Variants in DAB2IP observed in about 807,000 individuals in gnomAD.
DAB2IP encodes DAB2 interacting protein.
Under a neutral mutation model 107.2 loss-of-function variants are expected in DAB2IP, and 28 were observed. The ratio of observed to expected loss-of-function variants is 0.26; its 90% CI spans 0.19 to 0.36. The LOEUF (loss-of-function observed/expected upper bound fraction) is 0.36, where lower values mean the gene tolerates loss of function less well. Among genes scored for constraint, DAB2IP ranks in the 10% least tolerant of loss-of-function variants. The pLI, the probability that DAB2IP is intolerant of heterozygous loss-of-function variation, is 1.00. For synonymous variants in DAB2IP, 755 were observed against 706.4 expected (o/e 1.07, Z -1.09); for missense variants, 1,400 against 1,644.7 (o/e 0.85, Z 2.57).
At chr9:121,708,868 G>A (rs912919343) in intron 3 of DAB2IP, among the ~76,000 whole-genome samples, 1 of 152,222 alleles carries the variant, frequency 6.6e-6, no homozygotes, top group Non-Finnish European at 1.5e-5. Context: ...TCAGGGAAGA[G>A]AATGACTGTC....
chr9:121,680,450 C>A (rs765338373), intron 2 of DAB2IP, among the ~76,000 whole-genome samples: 2 of 152,124 alleles, frequency 1.3e-5, no homozygotes, highest in African/African-American at 4.8e-5. Flanking sequence ...TGCGCTGAGA[C>A]GATTCAGGGT....
intron 3 of DAB2IP, among the ~76,000 whole-genome samples, chr9:121,718,193 C>T (rs557023569): frequency 1.5e-4 from 23 of 152,262 alleles, no homozygotes; most frequent in South Asian, 2.1e-4. Context: ...GTGTGGCTGC[C>T]GGCAGCCGCG....
chr9:121,690,704 C>T (rs1385023855), intron 2 of DAB2IP, among the ~76,000 whole-genome samples: 3 of 152,200 alleles, frequency 2.0e-5, no homozygotes, highest in Non-Finnish European at 2.9e-5. Flanking sequence ...CTCCCAGCTT[C>T]ACCTTTACCC....
At chr9:121,653,194 A>AAGACCTGGGGAAG (rs1832825518) in intron 1 of DAB2IP, among the ~76,000 whole-genome samples, 4 of 73,486 alleles carry the variant, frequency 5.4e-5, no homozygotes, top group Admixed American at 1.3e-4. Context: ...GGGAGTACTA[A>AAGACCTGGGGAAG]GCCTTTAGTA....
At chr9:121,691,414 T>G (rs538073653) in intron 2 of DAB2IP, among the ~76,000 whole-genome samples, 1 of 151,776 alleles carries the variant, frequency 6.6e-6, no homozygotes, top group East Asian at 1.9e-4. Context: ...CCCAGGCCCT[T>G]CTGGCTAACG....
chr9:121,776,055 T>G lies in DAB2IP; in HGVS notation c.3121-143T>G. On this transcript the variant is annotated intron_variant, in intron 13 of 15. Transcript: ENST00000408936. This position sits in a 1 kb window ranked among gnomAD's most constrained non-coding sequence, Gnocchi z 5.4. The stretch of plus-strand genomic sequence containing the variant: ...CCACCAGCTGGGCTCCTTGGGCATC[T>G]CCTTGCTATGTGAAGTGGGCGGGTC... 2 of 975,676 alleles carry G rather than the reference T, an allele frequency of 2.0e-6. No homozygotes were observed. The highest frequency in any genetic ancestry group is 3.4e-5 in the South Asian group (2 of 58,660). 60.4% of individuals were successfully genotyped at this position (975,676 alleles called of 1,614,324 possible). A position where few individuals can be genotyped will look rare whatever the true frequency, so the allele number is the denominator to read the frequency against.
In DAB2IP at chr9:121,724,132, C is replaced by A. The variant is rs985556474; in HGVS notation, c.362+24674C>A. ...CCTCACTGTGTGCTGTGTGCCCTGC[C>A]GTCATGGCTCCCCACTGGACCCTGC... is the stretch of plus-strand genomic sequence containing the variant. On this transcript the variant is annotated intron_variant, in intron 3 of 15. Transcript: ENST00000408936. Among the ~76,000 whole-genome samples the A allele has an allele frequency of 4.6e-5, 7 of 152,230 alleles. 1 individual carries two copies. In the South Asian group the frequency reaches 1.5e-3, roughly 32 times the overall value.
chr9:121,592,862 C>T (rs745361858), intron 1 of DAB2IP, among the ~76,000 whole-genome samples: 4 of 152,152 alleles, frequency 2.6e-5, no homozygotes, highest in Non-Finnish European at 4.4e-5. Flanking sequence ...ATTGGAATCC[C>T]TGGGCTACAT....
chr9:121,612,294 T>C (rs1831123328), intron 1 of DAB2IP, among the ~76,000 whole-genome samples: 1 of 151,916 alleles, frequency 6.6e-6, no homozygotes, highest in South Asian at 2.1e-4. Context: ...ACCACTGCAC[T>C]CCCACTTTGG....
Position 121,749,222 on chromosome 9 carries a change from G to A in DAB2IP, c.363-7791G>A, listed in dbSNP as rs1832931271. ...GCCAGCGGGGCAAGGCTGGGCTTGG[G>A]GAGAGAGCTCTGCTGGACATACTAG... On this transcript the variant is annotated intron_variant, in intron 3 of 15. Transcript: ENST00000408936. Among the ~76,000 whole-genome samples the A allele has an allele frequency of 2.6e-5, 4 of 152,250 alleles. 1 individual carries two copies. The South Asian group carries it at 8.3e-4, about 31-fold the overall frequency.
chr9:121,569,837 C>T (rs546614700), intron 1 of DAB2IP, among the ~76,000 whole-genome samples: 1 of 152,308 alleles, frequency 6.6e-6, no homozygotes, highest in South Asian at 2.1e-4. Context: ...GTAATAATAA[C>T]ATTTTGCAGT....
chr9:121,585,324 C>T (rs7863216), intron 1 of DAB2IP, among the ~76,000 whole-genome samples: 76 of 152,204 alleles, frequency 5.0e-4, no homozygotes, highest in African/African-American at 1.8e-3. Context: ...CCAGCTCTGT[C>T]CCTTACTAGA....
At chr9:121,757,030 G>A (rs1334389410) in exon 4 of DAB2IP, 1 of 1,614,182 alleles carries the variant, frequency 6.2e-7, no homozygotes. Context: ...CTGATGCCGA[G>A]GCTGAAGGAG....
At chr9:121,581,027 G>A (rs914388) in intron 1 of DAB2IP, among the ~76,000 whole-genome samples, 80,088 of 152,068 alleles carry the variant, frequency 0.53, 21,498 homozygotes, top group South Asian at 0.73. Context: ...CTCAAATGCC[G>A]GGATCAGGAG....
Position 121,702,554 on chromosome 9 carries a change from A to G in DAB2IP, c.362+3096A>G, listed in dbSNP as rs1829842768. Among the ~76,000 whole-genome samples the G allele has an allele frequency of 6.6e-6, 1 of 152,202 alleles. No individual in the cohort carries two copies. The highest frequency in any genetic ancestry group is 2.4e-5 in the African/African-American group (1 of 41,444). ...TGGCAGTAAGCACCAAGGACAGGTG[A>G]TCATTTCTCCTGGGTAACAAACACA... On this transcript the variant is annotated intron_variant, in intron 3 of 15. Transcript: ENST00000408936. This position sits in a 1 kb window ranked among gnomAD's most constrained non-coding sequence, Gnocchi z 4.5.
chr9:121,730,375 G>A (rs76816644), intron 3 of DAB2IP, among the ~76,000 whole-genome samples: 5,175 of 152,270 alleles, frequency 0.034, 278 homozygotes, highest in African/African-American at 0.11. Flanking sequence ...AGCATCACCC[G>A]CCGGGTCTGT....
chr9:121,664,999 C>T (rs1054934033), intron 1 of DAB2IP, among the ~76,000 whole-genome samples: 17 of 152,124 alleles, frequency 1.1e-4, no homozygotes, highest in African/African-American at 4.1e-4. Flanking sequence ...TTCAGTTTTG[C>T]TTTAGTATCA....
At chr9:121,678,699 G>A (rs1183396521) in exon 2 of DAB2IP, 3 of 1,582,052 alleles carry the variant, frequency 1.9e-6, no homozygotes, top group Non-Finnish European at 2.6e-6. Flanking sequence ...GAAAGGCCGG[G>A]CTCTCGGCGC....
rs144084740 is a variant in DAB2IP at position 121,570,164 on chromosome 9, TGCAGTGGTGC to T, written c.40+2938_40+2947del. On this transcript the variant is annotated intron_variant, in intron 1 of 16. Coordinates refer to the DAB2IP transcript ENST00000259371. ...TCTTACTCTGTCATCCAGGCTGGAGTGCAGTGGTGCGATCTCAGCTCAATTGCAACCTCCA... is the reference window on the plus strand; with the variant it reads ...TCTTACTCTGTCATCCAGGCTGGAGTGATCTCAGCTCAATTGCAACCTCCA... Among the ~76,000 whole-genome samples, 1,142 of 143,956 alleles carry T rather than the reference TGCAGTGGTGC, an allele frequency of 7.9e-3. 14 individuals are homozygous for T. The highest frequency in any genetic ancestry group is 0.029 in the African/African-American group (1,092 of 38,296). 94.4% of individuals were successfully genotyped at this position (143,956 alleles called of 152,430 possible).
Sources: gnomAD v4.1 joint callset for allele counts (sites outside exome capture counted in the v4.1 genomes callset) on GRCh38, gnomAD v4.1.1 for gene constraint, Gnocchi (gnomAD v3.1) non-coding constraint, MANE v1.5 for transcripts, NCBI Gene and HGNC (gene_info 2026-07-23, HGNC 2026-07-21) for gene names.